The following CSMD3 variants were observed in gnomAD, a reference collection of about 807,000 sequenced individuals.
The protein encoded by CSMD3 is CUB and Sushi multiple domains 3.
In CSMD3, 177 loss-of-function variants were observed where a neutral mutation model predicts 435.2. The observed-to-expected ratio is 0.41, with a 90% CI of 0.36 to 0.46. The LOEUF (loss-of-function observed/expected upper bound fraction) is 0.46. CSMD3 is among the 20% of genes least tolerant of loss of function. The pLI is 0.34. For missense variants in CSMD3, 4,265 were observed against 4,504.6 expected (o/e 0.95, Z 1.52); for synonymous variants, 1,656 against 1,520.5 (o/e 1.09, Z -2.07).
intron 11 of CSMD3, among the ~76,000 whole-genome samples, chr8:112,848,998 T>C (rs993952526): frequency 3.3e-5 from 5 of 152,122 alleles, no homozygotes; most frequent in African/African-American, 1.2e-4. Context: ...TAAATATTCA[T>C]AGTTTTAAAA....
chr8:112,843,033 A>G (rs2080224900), intron 11 of CSMD3, among the ~76,000 whole-genome samples: 2 of 151,892 alleles, frequency 1.3e-5, no homozygotes, highest in African/African-American at 4.8e-5. Context: ...TTGCTAAAAT[A>G]TTAGTTTAAG....
At chr8:113,133,180 TAAC>T (rs1314441364) in intron 4 of CSMD3, among the ~76,000 whole-genome samples, 1 of 152,094 alleles carries the variant, frequency 6.6e-6, no homozygotes, top group African/African-American at 2.4e-5. Flanking sequence ...AAGAAATTGA[TAAC>T]AAGAGTTTTT....
At chr8:113,173,651 C>T (rs1188898057) in intron 4 of CSMD3, 71 bp downstream of exon 4, 2 of 1,216,926 alleles carry the variant, frequency 1.6e-6, no homozygotes, top group African/African-American at 3.0e-5. Flanking sequence ...GTAGAAGAAA[C>T]AGGCACCAAA....
chr8:113,349,016 T>G (rs1408853804), intron 1 of CSMD3, among the ~76,000 whole-genome samples: 1 of 152,078 alleles, frequency 6.6e-6, no homozygotes, highest in Non-Finnish European at 1.5e-5. Context: ...TATATAGGTT[T>G]TATAATGTTG....
chr8:113,402,030 A>G (rs2133205835), intron 1 of CSMD3, among the ~76,000 whole-genome samples: 1 of 151,616 alleles, frequency 6.6e-6, no homozygotes, highest in Admixed American at 6.6e-5. Context: ...ATGGTGCATG[A>G]CTGTATATGT....
chr8:113,205,271 C>A (rs118032472), intron 3 of CSMD3, among the ~76,000 whole-genome samples: 4,503 of 152,198 alleles, frequency 0.03, 84 homozygotes, highest in Admixed American at 0.04. Context: ...GCATGAGCCA[C>A]CGTGGCCGGC....
At chr8:113,149,514 T>C (rs891404518) in intron 4 of CSMD3, among the ~76,000 whole-genome samples, 3 of 151,924 alleles carry the variant, frequency 2.0e-5, no homozygotes, top group Non-Finnish European at 4.4e-5. Context: ...TTTGGTTTCC[T>C]TGACATGTAT....
chr8:113,087,460 C>T (rs1164088768), intron 5 of CSMD3, among the ~76,000 whole-genome samples: 1 of 152,180 alleles, frequency 6.6e-6, no homozygotes, highest in Non-Finnish European at 1.5e-5. Flanking sequence ...TCAAACTACA[C>T]TACAAGGCTA....
chr8:113,194,107 A>ATTT (rs2092622750), intron 3 of CSMD3, among the ~76,000 whole-genome samples: 1 of 151,398 alleles, frequency 6.6e-6, no homozygotes, highest in East Asian at 1.9e-4. Flanking sequence ...ATACCAAAAT[A>ATTT]TAACATTATT....
At chr8:112,372,471 A>G (rs1164549886) in intron 38 of CSMD3, among the ~76,000 whole-genome samples, 1 of 152,192 alleles carries the variant, frequency 6.6e-6, no homozygotes, top group Non-Finnish European at 1.5e-5. Context: ...TGATAGTGAT[A>G]ATAGTATTAT....
intron 5 of CSMD3, among the ~76,000 whole-genome samples, chr8:113,061,610 T>C (rs1471858384): frequency 6.6e-6 from 1 of 152,136 alleles, no homozygotes; most frequent in African/African-American, 2.4e-5. Context: ...TTAAACTGTT[T>C]TGATTTACAG....
intron 6 of CSMD3, among the ~76,000 whole-genome samples, chr8:112,994,549 C>T (rs898034080): frequency 4.0e-5 from 6 of 151,522 alleles, no homozygotes; most frequent in Non-Finnish European, 7.4e-5. Context: ...GTGAAAGGTG[C>T]TTTCCAAAAT....
intron 10 of CSMD3, among the ~76,000 whole-genome samples, chr8:112,872,633 G>T (rs565477715): frequency 6.6e-6 from 1 of 152,002 alleles, no homozygotes; most frequent in South Asian, 2.1e-4. Flanking sequence ...CTACAGCGCT[G>T]CCTCCCTTTG....
intron 17 of CSMD3, among the ~76,000 whole-genome samples, chr8:112,665,139 T>A (rs2075490274): frequency 6.6e-6 from 1 of 152,148 alleles, no homozygotes; most frequent in South Asian, 2.1e-4. Flanking sequence ...CACCGACTGA[T>A]CAGATCATAT....
In CSMD3 at chr8:112,406,696, A is replaced by G; in HGVS notation, c.5637T>C (p.Ser1879=). Residue 1879 remains serine, a synonymous_variant, in exon 35 of 71, where the codon AGT becomes AGC. Transcript: ENST00000297405. The part of the protein sequence containing the change: ...AVPRTSSTQC[S]SVPEPRFGRR... ...TTCCGAATCTTGGTTCAGGCACAGA[A>G]CTGCATTGTGTAGAACTTGTTCTAG... 1.2e-6 allele frequency: 2 copies of G among 1,610,456 alleles called. No individual in the cohort carries two copies. The highest frequency in any genetic ancestry group is 1.7e-6 in the Non-Finnish European group (2 of 1,177,348).
chr8:113,153,094 A>AAG (rs1416863036), intron 4 of CSMD3, among the ~76,000 whole-genome samples: 1 of 92,248 alleles, frequency 1.1e-5, no homozygotes, highest in Non-Finnish European at 2.0e-5. Flanking sequence ...GAAAGAAAGA[A>AAG]AGAAAGAAAA....
intron 35 of CSMD3, among the ~76,000 whole-genome samples, chr8:112,404,915 C>T (rs1831641826): frequency 6.6e-6 from 1 of 151,396 alleles, no homozygotes; most frequent in Non-Finnish European, 1.5e-5. Context: ...CGGTAGATCA[C>T]ACCTGTAATC....
intron 3 of CSMD3, among the ~76,000 whole-genome samples, chr8:113,185,540 C>A (rs769067644): frequency 6.6e-6 from 1 of 151,956 alleles, no homozygotes; most frequent in Non-Finnish European, 1.5e-5. Flanking sequence ...GTAAGCCAGC[C>A]CTTCATGCTT....
chr8:113,395,445 A>G (rs1387604945), intron 1 of CSMD3, among the ~76,000 whole-genome samples: 1 of 151,776 alleles, frequency 6.6e-6, no homozygotes, highest in Non-Finnish European at 1.5e-5. Flanking sequence ...CGTCTCTACT[A>G]AAAAATGCAA....
Sources: allele counts gnomAD v4.1 joint callset (sites outside exome capture counted in the v4.1 genomes callset), GRCh38; gene constraint gnomAD v4.1.1; transcripts MANE v1.5; gene names NCBI Gene and HGNC (gene_info 2026-07-23, HGNC 2026-07-21).